Variants in AKT2 observed in about 807,000 individuals in gnomAD.
The protein encoded by AKT2 is AKT serine/threonine kinase 2.
Under a neutral mutation model 58.6 loss-of-function variants are expected in AKT2, and 16 were observed. That is an observed-to-expected ratio of 0.27 (90% confidence interval 0.18 to 0.41). The LOEUF (loss-of-function observed/expected upper bound fraction) is 0.41. Among genes scored for constraint, AKT2 ranks in the 10% least tolerant of loss-of-function variants. The probability of loss-of-function intolerance (pLI) is 1.00; values close to 1 mark genes in which losing one functional copy is unlikely to be tolerated. For synonymous variants in AKT2, 253 were observed against 254.0 expected (o/e 1.00, Z 0.04); for missense variants, 438 against 661.0 (o/e 0.66, Z 3.70).
At chr19:40,256,855 C>T (rs1338605408) in intron 3 of AKT2, 71 bp downstream of exon 3, 41 of 1,608,176 alleles carry the variant, frequency 2.5e-5, no homozygotes, top group Non-Finnish European at 3.4e-5. Flanking sequence ...TGACCAAGTC[C>T]CACAAGCCCC....
intron 1 of AKT2, 117 bp downstream of exon 1, chr19:40,285,064 T>C: frequency 2.7e-6 from 1 of 375,434 alleles, no homozygotes; most frequent in Non-Finnish European, 4.7e-6. Context: ...AAGGAGGGGC[T>C]CGAGGGCCGC....
Position 40,233,087 on chromosome 19 carries a change from G to A in AKT2, c.*785C>T, listed in dbSNP as rs1042741530. ...GGCCAGGCCAGGCCCAGGGTCCAGC[G>A]GGAGGTAAGGCCAGCTGGAAGGAAG... On this transcript the variant is annotated 3_prime_UTR_variant, in exon 14 of 14. Transcript: ENST00000392038. The surrounding 1 kb of genome is among the most constrained non-coding windows in gnomAD (Gnocchi z 4.3). 5.1e-5 allele frequency: 12 copies of A among 237,486 alleles called. No individual in the cohort carries two copies. The highest frequency in any genetic ancestry group is 1.5e-4 in the African/African-American group (7 of 45,382). 14.7% of individuals were successfully genotyped at this position (237,486 alleles called of 1,614,324 possible).
chr19:40,244,088 ATAAT>A, intron 4 of AKT2: 1 of 144,978 alleles, frequency 6.9e-6, no homozygotes, highest in East Asian at 2.0e-4. Flanking sequence ...AATAATAATA[ATAAT>A]AAAATAAAGA....
At chr19:40,282,408 C>T (rs2145439868) in intron 1 of AKT2, 1 of 447,142 alleles carries the variant, frequency 2.2e-6, no homozygotes, top group East Asian at 6.9e-5. Flanking sequence ...TCACCCCCTG[C>T]ATGGCTCTCT....
chr19:40,255,399 G>A, intron 3 of AKT2, 130 bp from the exon 4 acceptor site: 1 of 698,094 alleles, frequency 1.4e-6, no homozygotes, highest in Non-Finnish European at 2.6e-6. Flanking sequence ...TCTAGGGACT[G>A]AGACAGCCCT....
Position 40,235,942 on chromosome 19 carries a change from G to C in AKT2, c.1123C>G (p.Pro375Ala). The stretch of plus-strand genomic sequence containing the variant: ...CCAGCAAGCAGGGACTTGGCCTCGG[G>C]GCTGAGCGTGCGCGGGAAGCGGATC... ...EEIRFPRTLS[P>A]EAKSLLAGLL... Residue 375 changes from proline to alanine, a missense_variant, in exon 11 of 14, where the codon CCC becomes GCC. Physicochemically the swap from Pro to Ala is conservative, Grantham distance 27 (BLOSUM62 -1). Transcript: ENST00000392038. This position sits in a 1 kb window ranked among gnomAD's most constrained non-coding sequence, Gnocchi z 6.3. 6.2e-7 allele frequency: 1 copy of C among 1,613,790 alleles called. No homozygotes were observed. Among genetic ancestry groups the C allele is most frequent in the Non-Finnish European group, 8.5e-7 (1 of 1,180,018 alleles).
intron 1 of AKT2, chr19:40,282,770 T>C: frequency 3.1e-6 from 1 of 320,184 alleles, no homozygotes; most frequent in South Asian, 2.3e-5. Context: ...AACTTCAATT[T>C]CGGACTCTGC....
chr19:40,262,771 C>T lies in AKT2; in HGVS notation c.46+2451G>A, dbSNP rs1404432580. Among the ~76,000 whole-genome samples, 4 of 152,196 alleles carry T rather than the reference C, an allele frequency of 2.6e-5. No individual in the cohort carries two copies. In the East Asian group the frequency reaches 7.7e-4, roughly 29 times the overall value. On this transcript the variant is annotated intron_variant, in intron 2 of 13. Coordinates refer to ENST00000392038, the MANE Select transcript of AKT2 (RefSeq NM_001626.6). The stretch of plus-strand genomic sequence containing the variant: ...GCTCCACAGGGCATCTATAAAAATT[C>T]AACAAAATCAGGCTTGCCTAGAGCA...
rs1973677848 is a variant in AKT2, at chr19:40,231,079, A to G, written c.*2793T>C. 1 of 220,600 alleles carries G rather than the reference A, an allele frequency of 4.5e-6. No homozygotes were observed. Among genetic ancestry groups the G allele is most frequent in the Admixed American group, 5.8e-5 (1 of 17,384 alleles). 13.7% of individuals were successfully genotyped at this position (220,600 alleles called of 1,614,324 possible). A position where few individuals can be genotyped will look rare whatever the true frequency, so the allele number is the denominator to read the frequency against. ...AAATTTTTAAAATGTACATTGCAAA[A>G]GACGATTATTCTACTCAAAATTTAT... On this transcript the variant is annotated 3_prime_UTR_variant, in exon 14 of 14. Transcript: ENST00000392038.
intron 2 of AKT2, 121 bp downstream of exon 2, chr19:40,265,101 G>T: frequency 7.0e-7 from 1 of 1,432,854 alleles, no homozygotes; most frequent in Non-Finnish European, 9.6e-7. Context: ...TGTGGGCCTG[G>T]GGCTGCGGAA....
rs1413981041 is a variant in AKT2 at position 40,237,695 on chromosome 19, G to A, written c.831+274C>T. 2 of 466,200 alleles carry A rather than the reference G, an allele frequency of 4.3e-6. No homozygotes were observed. The highest frequency in any genetic ancestry group is 8.0e-6 in the Non-Finnish European group (2 of 251,054). The allele number at this position is 466,200 out of a possible 1,614,324, so 28.9% of individuals were successfully genotyped here. ...TTGTGGCAGTTGACACTCCGCTAGT[G>A]GCCTAGGAGCGCTCATGGGAGGCTT... is the stretch of plus-strand genomic sequence containing the variant. On this transcript the variant is annotated intron_variant, in intron 9 of 13. Coordinates refer to ENST00000392038, the MANE Select transcript of AKT2 (RefSeq NM_001626.6). This position sits in a 1 kb window ranked among gnomAD's most constrained non-coding sequence, Gnocchi z 4.5.
intron 2 of AKT2, among the ~76,000 whole-genome samples, chr19:40,263,977 T>G (rs1291482467): frequency 6.6e-6 from 1 of 152,178 alleles, no homozygotes; most frequent in Non-Finnish European, 1.5e-5. Flanking sequence ...TCACGTTGCT[T>G]GTTTTTTCTC....
In AKT2 at chr19:40,236,018, G is replaced by C. The variant is rs1273031464; in HGVS notation, c.1047C>G (p.Pro349=). ...GGCGCTCGTGGTCCTGGTTGTAGAA[G>C]GGCAGGCGGCCGCACATCATCTCGT... ...VMYEMMCGRL[P]FYNQDHERLF... is the part of the protein sequence containing the mutation. Residue 349 remains proline, a synonymous_variant, in exon 11 of 14, where the codon CCC becomes CCG. Transcript: ENST00000392038. 3 of 1,614,136 alleles carry C rather than the reference G, an allele frequency of 1.9e-6. No homozygotes were observed. Among genetic ancestry groups the C allele is most frequent in the South Asian group, 1.1e-5 (1 of 91,088 alleles).
intron 4 of AKT2, among the ~76,000 whole-genome samples, chr19:40,248,518 A>G (rs1483388656): frequency 6.6e-6 from 1 of 152,228 alleles, no homozygotes; most frequent in East Asian, 1.9e-4. Flanking sequence ...GACCTGAACA[A>G]TGGCCATCCC....
At chr19:40,250,275 G>A (rs1030679777) in intron 4 of AKT2, among the ~76,000 whole-genome samples, 1 of 152,018 alleles carries the variant, frequency 6.6e-6, no homozygotes, top group Non-Finnish European at 1.5e-5. Flanking sequence ...GGCCGAGGCG[G>A]GCAGATCACC....
rs776435289 is a variant in AKT2, at chr19:40,238,089, C to G, written c.711G>C (p.Leu237=). 5.2e-5 allele frequency: 83 copies of G among 1,595,040 alleles called. No homozygotes were observed. The highest frequency in any genetic ancestry group is 3.3e-4 in the Middle Eastern group (2 of 5,976). ...FVMEYANGGE[L]FFHLSRERVF... The stretch of plus-strand genomic sequence containing the variant: ...CACGCTCCCGGGACAGGTGGAAGAA[C>G]AGCTGCAGGAGGAAGGGGTGGGGAG... Residue 237 remains leucine, a splice_region_variant and synonymous_variant, in exon 9 of 14, where the codon CTG becomes CTC. Coordinates refer to ENST00000392038, the MANE Select transcript of AKT2 (RefSeq NM_001626.6). The surrounding 1 kb of genome is among the most constrained non-coding windows in gnomAD (Gnocchi z 5.1).
At chr19:40,275,335 A>G (rs1201558705) in intron 1 of AKT2, 1 of 456,290 alleles carries the variant, frequency 2.2e-6, no homozygotes, top group Admixed American at 2.3e-5. Context: ...GTCGCTCTGC[A>G]TCGCCACCAC....
intron 4 of AKT2, among the ~76,000 whole-genome samples, chr19:40,252,545 G>C (rs1189264970): frequency 6.6e-6 from 1 of 152,142 alleles, no homozygotes; most frequent in African/African-American, 2.4e-5. Context: ...CCTGCATCGT[G>C]TAACTACCCT....
chr19:40,236,682 G>T, intron 9 of AKT2: 1 of 446,604 alleles, frequency 2.2e-6, no homozygotes, highest in African/African-American at 2.0e-5. Flanking sequence ...GAACGTGGGG[G>T]CACTAGCTTT....
Sources: gnomAD v4.1 joint callset for allele counts (sites outside exome capture counted in the v4.1 genomes callset) on GRCh38, gnomAD v4.1.1 for gene constraint, Gnocchi (gnomAD v3.1) non-coding constraint, MANE v1.5 for transcripts, NCBI Gene and HGNC (gene_info 2026-07-23, HGNC 2026-07-21) for gene names.